Variants in VAMP1 observed in about 807,000 individuals in gnomAD.
VAMP1 encodes the protein vesicle-associated membrane protein 1.
A neutral mutation model predicts 19.1 loss-of-function variants in VAMP1; 16 were observed. The ratio of observed to expected loss-of-function variants is 0.84; its 90% CI spans 0.57 to 1.27. VAMP1 has a LOEUF of 1.27. Among genes scored for constraint, VAMP1 ranks in the 50% most tolerant of loss-of-function variants. VAMP1 has a pLI of 0.00. For missense variants in VAMP1, 109 were observed against 145.4 expected, an observed-to-expected ratio of 0.75 and a Z score of 1.29; for synonymous variants, 37 against 50.2, an observed-to-expected ratio of 0.74 and a Z score of 1.11.
rs532602716 is a variant in VAMP1 at position 6,462,797 on chromosome 12, C to T, written c.*1673G>A. 116 of 1,587,648 alleles carry T rather than the reference C, an allele frequency of 7.3e-5. No individual in the cohort carries two copies. Among genetic ancestry groups the T allele is most frequent in the Non-Finnish European group, 9.4e-5 (110 of 1,164,678 alleles). ...GAGAGTGGAGACCTTCGAGGGGGGC[C>T]GTTGGGAGGGTACTGACTGCTTTCT... On this transcript the variant is annotated 3_prime_UTR_variant, in exon 5 of 5. Transcript: ENST00000396308.
At chr12:6,469,811 T>C (rs2137015572) in intron 1 of VAMP1, among the ~76,000 whole-genome samples, 1 of 152,282 alleles carries the variant, frequency 6.6e-6, no homozygotes, top group South Asian at 2.1e-4. Context: ...GAGACTAAAC[T>C]GTGTGTGTTG....
chr12:6,465,146 G>A (rs1188607254), intron 3 of VAMP1: 8 of 666,536 alleles, frequency 1.2e-5, no homozygotes, highest in Non-Finnish European at 1.7e-5. Context: ...TAGCTTTTCA[G>A]ATTCATCACA....
Position 6,470,644 on chromosome 12 carries a change from A to C in VAMP1, c.-113T>G. The stretch of plus-strand genomic sequence containing the variant: ...AACTGCCAAGCTCCGCCTCGCGCCG[A>C]CTACCCCGCGGTCTAGCTGCGCTGG... On this transcript the variant is annotated 5_prime_UTR_variant, in exon 1 of 5. Coordinates refer to ENST00000396308, the MANE Select transcript of VAMP1 (RefSeq NM_014231.5). 1.4e-6 allele frequency: 2 copies of C among 1,457,184 alleles called. No individual in the cohort carries two copies. Among genetic ancestry groups the C allele is most frequent in the Non-Finnish European group, 1.9e-6 (2 of 1,052,436 alleles). 90.3% of individuals were successfully genotyped at this position (1,457,184 alleles called of 1,614,324 possible). A position where few individuals can be genotyped will look rare whatever the true frequency, so the allele number is the denominator to read the frequency against.
intron 4 of VAMP1, 156 bp downstream of exon 4, chr12:6,464,734 G>A (rs978315593): frequency 4.9e-4 from 740 of 1,516,796 alleles, no homozygotes; most frequent in Non-Finnish European, 6.1e-4. Flanking sequence ...CCTTGTCTCT[G>A]CCCTTCCCCC....
In VAMP1 at chr12:6,470,541, A is replaced by G; in HGVS notation, c.-10T>C. 2 of 1,613,996 alleles carry G rather than the reference A, an allele frequency of 1.2e-6. No homozygotes were observed. The highest frequency in any genetic ancestry group is 1.7e-6 in the Non-Finnish European group (2 of 1,179,882). ...CAGAGTCAACTCACATTTTTCTGACAGAGAGAGTGAGGGTCTGTTCCTCTC... is the reference window on the plus strand; with the variant it reads ...CAGAGTCAACTCACATTTTTCTGACGGAGAGAGTGAGGGTCTGTTCCTCTC... On this transcript the variant is annotated 5_prime_UTR_variant, in exon 1 of 5. Transcript: ENST00000396308.
At chr12:6,467,399 T>C (rs987662988) in intron 1 of VAMP1, among the ~76,000 whole-genome samples, 2 of 152,142 alleles carry the variant, frequency 1.3e-5, no homozygotes, top group Non-Finnish European at 2.9e-5. Context: ...GCTGAGGTGG[T>C]CTCAGATGGA....
rs185066094 is a variant in VAMP1, at chr12:6,463,663, G to C, written c.*807C>G. 4.6e-6 allele frequency: 5 copies of C among 1,083,226 alleles called. No homozygotes were observed. In the African/African-American group the frequency reaches 8.5e-5, roughly 18 times the overall value. 67.1% of individuals were successfully genotyped at this position (1,083,226 alleles called of 1,614,324 possible). On this transcript the variant is annotated 3_prime_UTR_variant, in exon 5 of 5. Coordinates refer to ENST00000396308, the MANE Select transcript of VAMP1 (RefSeq NM_014231.5). This position sits in a 1 kb window ranked among gnomAD's most constrained non-coding sequence, Gnocchi z 4.0. ...ACTGGGAGCTAGGTTAAATTATTTG[G>C]CTAGATAAAACTACCAGCTAGATGG... is the stretch of plus-strand genomic sequence containing the variant.
rs1363370190 is a variant in VAMP1 at position 6,462,806 on chromosome 12, G to A, written c.*1664C>T. 1 of 1,597,786 alleles carries A rather than the reference G, an allele frequency of 6.3e-7. No homozygotes were observed. The highest frequency in any genetic ancestry group is 8.5e-7 in the Non-Finnish European group (1 of 1,170,856). On this transcript the variant is annotated 3_prime_UTR_variant, in exon 5 of 5. Coordinates refer to ENST00000396308, the MANE Select transcript of VAMP1 (RefSeq NM_014231.5). ...GACCTTCGAGGGGGGCCGTTGGGAG[G>A]GTACTGACTGCTTTCTTCCAGCTCT... is the stretch of plus-strand genomic sequence containing the variant.
chr12:6,462,659 T>C lies in VAMP1; in HGVS notation c.*1811A>G. ...AGAAACCCAGGAATGATTCCTGTGA[T>C]AGGGCTGGGAGAGCCAAGAGGACGG... is the stretch of plus-strand genomic sequence containing the variant. On this transcript the variant is annotated 3_prime_UTR_variant, in exon 5 of 5. Transcript: ENST00000396308. The C allele has an allele frequency of 1.4e-6, 1 of 719,356 alleles. No individual in the cohort carries two copies. Among genetic ancestry groups the C allele is most frequent in the Admixed American group, 3.0e-5 (1 of 33,234 alleles). The allele number at this position is 719,356 out of a possible 1,614,324, so 44.6% of individuals were successfully genotyped here. A position where few individuals can be genotyped will look rare whatever the true frequency, so the allele number is the denominator to read the frequency against.
rs2534718 is a variant in VAMP1, at chr12:6,466,025, A to T, written c.130-25T>A. The T allele has an allele frequency of 0.96, 1,548,171 of 1,613,674 alleles. 742,905 individuals carry two copies. The highest frequency in any genetic ancestry group is 1 in the East Asian group (44,862 of 44,864). Reference sequence around the variant, plus strand: ...CCTGAGGAGGGCACAGAAACAAAGCAGCTAAGCTTCCTGCCAGAGACAGAG... The same window carrying T: ...CCTGAGGAGGGCACAGAAACAAAGCTGCTAAGCTTCCTGCCAGAGACAGAG... On this transcript the variant is annotated intron_variant, in intron 2 of 4. Transcript: ENST00000396308.
chr12:6,470,523 A>C lies in VAMP1; in HGVS notation c.2+7T>G. ...GGTGCCGAGCCCCCACACCAGAGTC[A>C]ACTCACATTTTTCTGACAGAGAGAG... On this transcript the variant is annotated splice_region_variant and intron_variant, in intron 1 of 4. Coordinates refer to ENST00000396308, the MANE Select transcript of VAMP1 (RefSeq NM_014231.5). The C allele has an allele frequency of 6.2e-7, 1 of 1,614,030 alleles. No individual in the cohort carries two copies. The highest frequency in any genetic ancestry group is 8.5e-7 in the Non-Finnish European group (1 of 1,179,918).
intron 3 of VAMP1, 41 bp from the exon 4 acceptor site, chr12:6,464,982 G>A (rs1353652293): frequency 2.5e-6 from 4 of 1,611,268 alleles, no homozygotes; most frequent in Non-Finnish European, 3.4e-6. Flanking sequence ...TGGATTTCAG[G>A]AATGAGGAAA....
At position 6,463,599 on chromosome 12, in the gene VAMP1, A is replaced by G. The variant is rs1011259406; in HGVS notation, c.*871T>C. The G allele has an allele frequency of 4.6e-6, 5 of 1,077,874 alleles. No homozygotes were observed. Among genetic ancestry groups the G allele is most frequent in the Admixed American group, 9.9e-5 (2 of 20,132 alleles). 66.8% of individuals were successfully genotyped at this position (1,077,874 alleles called of 1,614,324 possible). Reference sequence around the variant, plus strand: ...TAAGCACTTGACTCACTGTTTCTCTATAACTAACAGGCAATCTCTCTCTTT... The same window carrying G: ...TAAGCACTTGACTCACTGTTTCTCTGTAACTAACAGGCAATCTCTCTCTTT... On this transcript the variant is annotated 3_prime_UTR_variant, in exon 5 of 5. Transcript: ENST00000396308. The surrounding 1 kb of genome is among the most constrained non-coding windows in gnomAD (Gnocchi z 4.0).
intron 3 of VAMP1, 116 bp downstream of exon 3, chr12:6,465,726 T>G: frequency 7.2e-7 from 1 of 1,387,076 alleles, no homozygotes; most frequent in Non-Finnish European, 9.7e-7. Context: ...CCAAGCGTTA[T>G]GCTGGTCAGA....
chr12:6,470,660 G>T lies in VAMP1; in HGVS notation c.-129C>A. 8.0e-7 allele frequency: 1 copy of T among 1,257,090 alleles called. No individual in the cohort carries two copies. The highest frequency in any genetic ancestry group is 1.1e-6 in the Non-Finnish European group (1 of 878,712). 77.9% of individuals were successfully genotyped at this position (1,257,090 alleles called of 1,614,324 possible). A position where few individuals can be genotyped will look rare whatever the true frequency, so the allele number is the denominator to read the frequency against. On this transcript the variant is annotated 5_prime_UTR_variant, in exon 1 of 5. Coordinates refer to ENST00000396308, the MANE Select transcript of VAMP1 (RefSeq NM_014231.5). Reference sequence around the variant, plus strand: ...CTCGCGCCGACTACCCCGCGGTCTAGCTGCGCTGGAACTTACTGCAGCTGC... The same window carrying T: ...CTCGCGCCGACTACCCCGCGGTCTATCTGCGCTGGAACTTACTGCAGCTGC...
chr12:6,465,197 T>C (rs1949973105), intron 3 of VAMP1: 5 of 508,264 alleles, frequency 9.8e-6, no homozygotes, highest in African/African-American at 6.0e-5. Context: ...TCCTGGTGTC[T>C]TGGGGCTTTA....
At position 6,465,998 on chromosome 12, in the gene VAMP1, C is replaced by T; in HGVS notation, c.132G>A (p.Val44=). 2.5e-6 allele frequency: 4 copies of T among 1,614,228 alleles called. No homozygotes were observed. Among genetic ancestry groups the T allele is most frequent in the Non-Finnish European group, 3.4e-6 (4 of 1,180,036 alleles). ...LQQTQAQVEE[V]VDIIRVNVDK... is the part of the protein sequence containing the mutation. ...CCACGTTCACACGTATGATGTCCACCACCTGAGGAGGGCACAGAAACAAAG... is the reference window on the plus strand; with the variant it reads ...CCACGTTCACACGTATGATGTCCACTACCTGAGGAGGGCACAGAAACAAAG... Residue 44 remains valine, a splice_region_variant and synonymous_variant, in exon 3 of 5, where the codon GTG becomes GTA. Transcript: ENST00000396308.
In VAMP1 at chr12:6,464,877, C is replaced by T. The variant is rs562398205; in HGVS notation, c.340+13G>A. The T allele has an allele frequency of 3.1e-6, 5 of 1,614,052 alleles. No individual in the cohort carries two copies. The highest frequency in any genetic ancestry group is 2.2e-5 in the East Asian group (1 of 44,874). ...CACCTCTTCACCCCACCAGCAACTTCAGCGATACTTACTTACAATAACTAC... is the reference window on the plus strand; with the variant it reads ...CACCTCTTCACCCCACCAGCAACTTTAGCGATACTTACTTACAATAACTAC... On this transcript the variant is annotated intron_variant, in intron 4 of 4. Coordinates refer to ENST00000396308, the MANE Select transcript of VAMP1 (RefSeq NM_014231.5).
In VAMP1 at chr12:6,464,939, C is replaced by G. The variant is rs114738680; in HGVS notation, c.291G>C (p.Met97Ile). The change falls in exon 4 of 5, where the codon ATG becomes ATC. Residue 97 changes from methionine to isoleucine, a missense_variant and splice_region_variant. Coordinates refer to ENST00000396308, the MANE Select transcript of VAMP1 (RefSeq NM_014231.5). ...CACAGATGGCTCCCAGCATGATCAT[C>G]ATCTGAGGAAACATGGACAAAAAAT... ...KRKYWWKNCK[M>I]MIMLGAICAI... is the part of the protein sequence containing the mutation. 3.7e-6 allele frequency: 6 copies of G among 1,613,816 alleles called. No individual in the cohort carries two copies. In the South Asian group the frequency reaches 4.4e-5, roughly 12 times the overall value.
Sources: allele counts gnomAD v4.1 joint callset (sites outside exome capture counted in the v4.1 genomes callset), GRCh38; gene constraint gnomAD v4.1.1; non-coding constraint Gnocchi (gnomAD v3.1); transcripts MANE v1.5; gene names NCBI Gene and HGNC (gene_info 2026-07-23, HGNC 2026-07-21).